RSF1: variants seen among roughly 807,000 people sequenced by gnomAD.
RSF1 encodes remodeling and spacing factor 1.
Under a neutral mutation model 145.2 loss-of-function variants are expected in RSF1, and 13 were observed. The observed-to-expected ratio is 0.09, with a 90% CI of 0.06 to 0.14. The LOEUF (loss-of-function observed/expected upper bound fraction) is 0.14, where lower values mean the gene tolerates loss of function less well. Among genes scored for constraint, RSF1 ranks in the 10% least tolerant of loss-of-function variants. The pLI is 1.00. For synonymous variants in RSF1, 577 were observed against 592.6 expected (o/e 0.97, Z 0.38); for missense variants, 1,517 against 1,718.2 (o/e 0.88, Z 2.07).
chr11:77,842,509 G>C, the RSF1 span: 1 of 1,613,674 alleles, frequency 6.2e-7, no homozygotes, highest in Non-Finnish European at 8.5e-7. Flanking sequence ...GACTTCCCCT[G>C]AAATTGCTTC....
intron 1 of RSF1, among the ~76,000 whole-genome samples, chr11:77,786,921 C>G (rs140266045): frequency 3.3e-5 from 5 of 152,244 alleles, no homozygotes; most frequent in African/African-American, 1.2e-4. Context: ...CCTATAACTA[C>G]CCCAATTTAC....
the RSF1 span, among the ~76,000 whole-genome samples, chr11:77,846,606 T>C: frequency 6.6e-6 from 1 of 152,182 alleles, no homozygotes; most frequent in Non-Finnish European, 1.5e-5. Flanking sequence ...CTTGGGAGGC[T>C]GAGGCAGGAG....
At chr11:77,848,662 C>T in the RSF1 span, among the ~76,000 whole-genome samples, 1 of 152,096 alleles carries the variant, frequency 6.6e-6, no homozygotes, top group South Asian at 2.1e-4. Flanking sequence ...GCCTGGCCAA[C>T]CTCATTCTTT....
chr11:77,754,751 G>C (rs1035905470), intron 2 of RSF1, among the ~76,000 whole-genome samples: 7 of 151,592 alleles, frequency 4.6e-5, no homozygotes, highest in African/African-American at 1.7e-4. Context: ...CGAAAAAAAA[G>C]AAAACCCCCA....
At chr11:77,771,754 T>A (rs1948287873) in intron 1 of RSF1, among the ~76,000 whole-genome samples, 1 of 152,158 alleles carries the variant, frequency 6.6e-6, no homozygotes, top group African/African-American at 2.4e-5. Flanking sequence ...ATATTTCACA[T>A]TTTCCATAAT....
intron 4 of RSF1, among the ~76,000 whole-genome samples, chr11:77,730,414 A>G (rs1961176838): frequency 6.6e-6 from 1 of 152,234 alleles, no homozygotes; most frequent in African/African-American, 2.4e-5. Flanking sequence ...TAAAATAAAC[A>G]TATTTTAAGC....
chr11:77,862,954 T>G, the RSF1 span, among the ~76,000 whole-genome samples: 1 of 152,194 alleles, frequency 6.6e-6, no homozygotes, highest in Non-Finnish European at 1.5e-5. Flanking sequence ...CGTTTCCCAT[T>G]ACTTTGGAGG....
At chr11:77,763,042 A>G (rs1470441625) in intron 2 of RSF1, 1 of 152,134 alleles carries the variant, frequency 6.6e-6, no homozygotes, top group African/African-American at 2.4e-5. Context: ...ACTGATGCAT[A>G]AAAGATTAAA....
At chr11:77,777,362 C>T (rs183553957) in intron 1 of RSF1, among the ~76,000 whole-genome samples, 29 of 152,072 alleles carry the variant, frequency 1.9e-4, no homozygotes, top group Admixed American at 1.2e-3. Context: ...GAGGCTGCAG[C>T]GGGTGGATCC....
chr11:77,752,095 C>G (rs190573954), intron 2 of RSF1, among the ~76,000 whole-genome samples: 5 of 152,280 alleles, frequency 3.3e-5, no homozygotes, highest in Non-Finnish European at 5.9e-5. Context: ...ATTATTTAGA[C>G]AGACAGCGAG....
At chr11:77,820,991 C>T (rs1948871780), upstream of RSF1, 1 of 509,798 alleles carries the variant, frequency 2.0e-6, no homozygotes, top group Non-Finnish European at 3.4e-6. Context: ...TTGCCACTGC[C>T]TCGTGTGACA....
chr11:77,767,949 T>C (rs1203432542), intron 1 of RSF1, among the ~76,000 whole-genome samples: 1 of 152,168 alleles, frequency 6.6e-6, no homozygotes, highest in African/African-American at 2.4e-5. Context: ...TCATTGTTGA[T>C]TTAGGCATGT....
At chr11:77,677,985 C>T (rs963650559) in intron 12 of RSF1, 101 bp downstream of exon 12, 74 of 784,586 alleles carry the variant, frequency 9.4e-5, no homozygotes, top group East Asian at 1.5e-4. Flanking sequence ...TGATACATAA[C>T]GGGAAAGAGA....
chr11:77,844,156 A>G, the RSF1 span, among the ~76,000 whole-genome samples: 5 of 152,156 alleles, frequency 3.3e-5, no homozygotes, highest in African/African-American at 1.2e-4. Context: ...GTATCCTTAC[A>G]TAGTGGAAAG....
rs1959260473 is a variant in RSF1, at chr11:77,662,788, G to A, written c.*4129C>T. On this transcript the variant is annotated 3_prime_UTR_variant, in exon 16 of 16. Coordinates refer to ENST00000308488, the MANE Select transcript of RSF1 (RefSeq NM_016578.4). ...ATAATGGATCATATTAAGCAGAAGA[G>A]GGCTAGGTAGATTACAGCAGATATG... The A allele has an allele frequency of 6.6e-6, 1 of 152,128 alleles. No homozygotes were observed. The highest frequency in any genetic ancestry group is 2.1e-4 in the South Asian group (1 of 4,834). The allele number at this position is 152,128 out of a possible 1,614,324, so 9.4% of individuals were successfully genotyped here.
At chr11:77,687,707 T>A (rs935196791) in intron 9 of RSF1, among the ~76,000 whole-genome samples, 1 of 151,498 alleles carries the variant, frequency 6.6e-6, no homozygotes, top group African/African-American at 2.4e-5. Context: ...CTCCAAAAAA[T>A]AAAAAGGATG....
chr11:77,665,466 A>C lies in RSF1; in HGVS notation c.*1451T>G, dbSNP rs926503172. ...CTGTACAATGTTATGGCTCTGCCTGAAATTTTACAGCTATAACAGAAACTA... is the reference window on the plus strand; with the variant it reads ...CTGTACAATGTTATGGCTCTGCCTGCAATTTTACAGCTATAACAGAAACTA... On this transcript the variant is annotated 3_prime_UTR_variant, in exon 16 of 16. Coordinates refer to ENST00000308488, the MANE Select transcript of RSF1 (RefSeq NM_016578.4). 8.5e-5 allele frequency: 13 copies of C among 152,236 alleles called. No individual in the cohort carries two copies. The highest frequency in any genetic ancestry group is 1.6e-4 in the Non-Finnish European group (11 of 68,044). The allele number at this position is 152,236 out of a possible 1,614,324, so 9.4% of individuals were successfully genotyped here.
At chr11:77,839,872 C>T in the RSF1 span, among the ~76,000 whole-genome samples, 1 of 152,034 alleles carries the variant, frequency 6.6e-6, no homozygotes, top group Admixed American at 6.6e-5. Flanking sequence ...CCATGTGGGG[C>T]TTAATACCTA....
intron 1 of RSF1, among the ~76,000 whole-genome samples, chr11:77,800,801 G>T (rs1175770424): frequency 6.6e-6 from 1 of 152,214 alleles, no homozygotes; most frequent in Non-Finnish European, 1.5e-5. Flanking sequence ...CTTCAAGGCT[G>T]AAGGGAGGTA....
Sources: allele counts gnomAD v4.1 joint callset (sites outside exome capture counted in the v4.1 genomes callset), GRCh38; gene constraint gnomAD v4.1.1; transcripts MANE v1.5; gene names NCBI Gene and HGNC (gene_info 2026-07-23, HGNC 2026-07-21).